SPIDR: variants seen among roughly 807,000 people sequenced by gnomAD.
SPIDR encodes scaffold protein involved in DNA repair.
Under a neutral mutation model 104.6 loss-of-function variants are expected in SPIDR, and 93 were observed. That is an observed-to-expected ratio of 0.89 (90% CI 0.75 to 1.06). The LOEUF (loss-of-function observed/expected upper bound fraction) is 1.06, where lower values mean the gene tolerates loss of function less well. SPIDR is among the 50% of genes least tolerant of loss of function. SPIDR has a pLI of 0.00. For synonymous variants in SPIDR, 431 were observed against 416.9 expected (o/e 1.03, Z -0.41); for missense variants, 1,154 against 1,111.2 (o/e 1.04, Z -0.55).
intron 10 of SPIDR, among the ~76,000 whole-genome samples, chr8:47,665,582 C>T (rs2074798571): frequency 6.6e-6 from 1 of 152,100 alleles, no homozygotes; most frequent in African/African-American, 2.4e-5. Context: ...ATCTTATAGC[C>T]ACTACAAATT....
chr8:47,272,862 C>G (rs1343201720), intron 1 of SPIDR, among the ~76,000 whole-genome samples: 2 of 152,158 alleles, frequency 1.3e-5, no homozygotes, highest in Non-Finnish European at 2.9e-5. Flanking sequence ...TTAATGGCTT[C>G]TTTAGGTATT....
At chr8:47,608,113 A>G (rs1001055553) in intron 10 of SPIDR, among the ~76,000 whole-genome samples, 1 of 152,124 alleles carries the variant, frequency 6.6e-6, no homozygotes, top group Non-Finnish European at 1.5e-5. Context: ...CCAATTCCCA[A>G]TTCTTCCCAG....
In SPIDR at chr8:47,375,974, A is replaced by G. The variant is rs1237009772; in HGVS notation, c.526-20402A>G. 2.6e-5 allele frequency among the ~76,000 whole-genome samples: 4 copies of G among 152,312 alleles called. No individual in the cohort carries two copies. The East Asian group carries it at 7.7e-4, about 29-fold the overall frequency. Reference sequence around the variant, plus strand: ...AGACAGTGTTCCCAGGAAGTTTGTTATTAATCCCAGGAAATCCATCATTTT... The same window carrying G: ...AGACAGTGTTCCCAGGAAGTTTGTTGTTAATCCCAGGAAATCCATCATTTT... On this transcript the variant is annotated intron_variant, in intron 5 of 19. Coordinates refer to ENST00000297423, the MANE Select transcript of SPIDR (RefSeq NM_001080394.4).
intron 5 of SPIDR, among the ~76,000 whole-genome samples, chr8:47,356,507 G>A (rs2054581840): frequency 6.6e-6 from 1 of 152,168 alleles, no homozygotes; most frequent in Non-Finnish European, 1.5e-5. Context: ...ACTTAATTAG[G>A]AAAAATAGTT....
At chr8:47,473,075 G>A (rs937610626) in intron 8 of SPIDR, among the ~76,000 whole-genome samples, 5 of 152,258 alleles carry the variant, frequency 3.3e-5, no homozygotes, top group African/African-American at 1.2e-4. Context: ...CAGGGCTGCC[G>A]CCTGGAAGAA....
At chr8:47,732,255 G>A (rs2154494703) in intron 19 of SPIDR, 1 of 700,612 alleles carries the variant, frequency 1.4e-6, no homozygotes, top group East Asian at 2.7e-5. Context: ...TAAAAGCCCT[G>A]CTTATAAAGA....
intron 5 of SPIDR, among the ~76,000 whole-genome samples, chr8:47,335,662 G>T (rs2049559258): frequency 6.6e-6 from 1 of 152,162 alleles, no homozygotes; most frequent in Admixed American, 6.5e-5. Context: ...TGGTGGCCAG[G>T]CTGGTCTTGA....
At chr8:47,316,285 T>G (rs1554589468) in intron 5 of SPIDR, among the ~76,000 whole-genome samples, 4 of 152,118 alleles carry the variant, frequency 2.6e-5, no homozygotes. Flanking sequence ...GCTTAAAGAG[T>G]AATACTACCA....
intron 10 of SPIDR, chr8:47,673,536 G>A (rs1340533653): frequency 5.5e-6 from 3 of 544,788 alleles, no homozygotes; most frequent in East Asian, 4.4e-5. Context: ...CATGCCTGTG[G>A]ATGGTGGTTC....
chr8:47,494,664 A>G (rs959665435), intron 8 of SPIDR, among the ~76,000 whole-genome samples: 1 of 151,902 alleles, frequency 6.6e-6, no homozygotes, highest in African/African-American at 2.4e-5. Flanking sequence ...GTCTTTCACA[A>G]ACTGTGAAGT....
intron 14 of SPIDR, among the ~76,000 whole-genome samples, chr8:47,704,593 T>C (rs1322712115): frequency 1.3e-5 from 2 of 152,210 alleles, no homozygotes; most frequent in African/African-American, 4.8e-5. Flanking sequence ...CCGCGTTGTC[T>C]CATGTCCTTG....
At chr8:47,338,892 C>T (rs1045440618) in intron 5 of SPIDR, among the ~76,000 whole-genome samples, 6 of 152,088 alleles carry the variant, frequency 3.9e-5, no homozygotes, top group Admixed American at 2.0e-4. Flanking sequence ...TCAGCCTTGA[C>T]GTCTTTCAGC....
At chr8:47,442,019 A>G (rs1484198281) in intron 8 of SPIDR, among the ~76,000 whole-genome samples, 1 of 152,136 alleles carries the variant, frequency 6.6e-6, no homozygotes, top group Non-Finnish European at 1.5e-5. Context: ...GTATTATACT[A>G]TTTCAGTTAC....
intron 5 of SPIDR, among the ~76,000 whole-genome samples, chr8:47,299,234 C>G (rs2041543049): frequency 6.6e-6 from 1 of 151,046 alleles, no homozygotes; most frequent in Non-Finnish European, 1.5e-5. Flanking sequence ...TGGGAGTTCA[C>G]TCATGATTTG....
At chr8:47,324,390 A>G (rs1341709766) in intron 5 of SPIDR, among the ~76,000 whole-genome samples, 1 of 140,442 alleles carries the variant, frequency 7.1e-6, no homozygotes, top group Admixed American at 8.3e-5. Flanking sequence ...TTTTCTTCTT[A>G]TGTACAAATA....
At chr8:47,280,299 A>G (rs1312314550) in intron 2 of SPIDR, among the ~76,000 whole-genome samples, 1 of 151,032 alleles carries the variant, frequency 6.6e-6, no homozygotes, top group Admixed American at 6.6e-5. Context: ...GCTGGAGTAC[A>G]GTGGCGCAAT....
chr8:47,286,921 T>A (rs1423031916), intron 3 of SPIDR, among the ~76,000 whole-genome samples: 1 of 152,190 alleles, frequency 6.6e-6, no homozygotes, highest in African/African-American at 2.4e-5. Flanking sequence ...TGTACTTTGG[T>A]TTTACATGTC....
At position 47,288,488 on chromosome 8, in the gene SPIDR, C is replaced by T. The variant is rs891157602; in HGVS notation, c.257-2545C>T. 5.9e-5 allele frequency among the ~76,000 whole-genome samples: 9 copies of T among 152,136 alleles called. No homozygotes were observed. The South Asian group carries it at 6.2e-4, about 11-fold the overall frequency. On this transcript the variant is annotated intron_variant, in intron 3 of 19. Coordinates refer to ENST00000297423, the MANE Select transcript of SPIDR (RefSeq NM_001080394.4). ...TTTAGTAGAGATGGGGTTTCACCAT[C>T]TTGGCCAGGCTGGTCTTGAACTTCT...
At chr8:47,544,540 G>A (rs2088877379) in intron 8 of SPIDR, among the ~76,000 whole-genome samples, 2 of 152,162 alleles carry the variant, frequency 1.3e-5, no homozygotes, top group South Asian at 4.1e-4. Context: ...GACTTAGGTG[G>A]AAGGTTTTGG....
Sources: allele counts gnomAD v4.1 joint callset (sites outside exome capture counted in the v4.1 genomes callset), GRCh38; gene constraint gnomAD v4.1.1; transcripts MANE v1.5; gene names NCBI Gene and HGNC (gene_info 2026-07-23, HGNC 2026-07-21).